Variants in RBFOX1 observed in about 807,000 individuals in gnomAD.
RBFOX1 encodes the protein RNA binding protein fox-1 homolog 1.
Under a neutral mutation model 57.7 loss-of-function variants are expected in RBFOX1, and 8 were observed. The observed-to-expected ratio is 0.14, with a 90% CI of 0.08 to 0.25. The LOEUF (loss-of-function observed/expected upper bound fraction) is 0.25. Among genes scored for constraint, RBFOX1 ranks in the 10% least tolerant of loss-of-function variants. The pLI, the probability that RBFOX1 is intolerant of heterozygous loss-of-function variation, is 1.00. For missense variants in RBFOX1, 611 were observed against 548.5 expected, an observed-to-expected ratio of 1.11 and a Z score of -1.14; for synonymous variants, 326 against 222.4, an observed-to-expected ratio of 1.47 and a Z score of -4.15.
chr16:6,964,407 A>C (rs565872246), intron 3 of RBFOX1, among the ~76,000 whole-genome samples: 113 of 152,274 alleles, frequency 7.4e-4, no homozygotes, highest in Non-Finnish European at 6.3e-4. Context: ...CAACCCACAC[A>C]ATATACAACA....
At chr16:7,403,094 C>T (rs575448877) in intron 4 of RBFOX1, among the ~76,000 whole-genome samples, 8 of 152,258 alleles carry the variant, frequency 5.3e-5, no homozygotes, top group Admixed American at 2.0e-4. Context: ...TCCCCCGGCT[C>T]TATGGGGGTA....
chr16:7,280,985 C>A (rs181096387), intron 4 of RBFOX1, among the ~76,000 whole-genome samples: 1 of 109,610 alleles, frequency 9.1e-6, no homozygotes, highest in Non-Finnish European at 1.8e-5. Context: ...CCCTCCCTCC[C>A]TCCCTCCTTC....
At chr16:5,260,034 C>T (rs190957363) in intron 1 of RBFOX1, among the ~76,000 whole-genome samples, 1 of 152,118 alleles carries the variant, frequency 6.6e-6, no homozygotes, top group Non-Finnish European at 1.5e-5. Context: ...AACCTTGTCT[C>T]TACTAAAAAT....
At chr16:7,546,804 T>A (rs763001680) in intron 5 of RBFOX1, among the ~76,000 whole-genome samples, 1 of 152,222 alleles carries the variant, frequency 6.6e-6, no homozygotes, top group Non-Finnish European at 1.5e-5. Context: ...GTTGGACACT[T>A]AAATTTTTTC....
intron 2 of RBFOX1, among the ~76,000 whole-genome samples, chr16:6,648,751 C>A (rs760323085): frequency 7.9e-5 from 12 of 152,158 alleles, no homozygotes; most frequent in East Asian, 1.9e-4. Context: ...AGACAGAGAG[C>A]TGCTTTTTCT....
chr16:7,065,597 T>C (rs909897192), intron 4 of RBFOX1, among the ~76,000 whole-genome samples: 1 of 152,206 alleles, frequency 6.6e-6, no homozygotes, highest in African/African-American at 2.4e-5. Flanking sequence ...CATTGTGAAA[T>C]GGCTAAATTG....
intron 3 of RBFOX1, among the ~76,000 whole-genome samples, chr16:6,767,510 G>A (rs113509663): frequency 3.3e-5 from 5 of 152,250 alleles, no homozygotes; most frequent in Admixed American, 1.3e-4. Context: ...ATTTGAGCCA[G>A]TGTTTTAATT....
At chr16:6,061,104 C>G (rs997731172) in intron 1 of RBFOX1, among the ~76,000 whole-genome samples, 8 of 152,152 alleles carry the variant, frequency 5.3e-5, no homozygotes, top group Non-Finnish European at 8.8e-5. Flanking sequence ...TGGCCCAGGT[C>G]TTTTCAGAAG....
chr16:6,269,697 A>T (rs2074973756), intron 1 of RBFOX1, among the ~76,000 whole-genome samples: 1 of 152,176 alleles, frequency 6.6e-6, no homozygotes, highest in Non-Finnish European at 1.5e-5. Flanking sequence ...AAACTAAAAG[A>T]ATTGGTTGGC....
chr16:6,918,089 C>G (rs1317180059), intron 3 of RBFOX1, among the ~76,000 whole-genome samples: 1 of 152,092 alleles, frequency 6.6e-6, no homozygotes, highest in Non-Finnish European at 1.5e-5. Context: ...GAGTTCGAGA[C>G]CAGCCTGGAC....
intron 1 of RBFOX1, among the ~76,000 whole-genome samples, chr16:6,151,843 A>G (rs2096799909): frequency 6.6e-6 from 1 of 152,196 alleles, no homozygotes; most frequent in Non-Finnish European, 1.5e-5. Flanking sequence ...GTACCTCTGC[A>G]TTTAATGGTT....
At chr16:5,633,592 G>T (rs2048588739) in intron 3 of RBFOX1, among the ~76,000 whole-genome samples, 1 of 151,990 alleles carries the variant, frequency 6.6e-6, no homozygotes, top group Non-Finnish European at 1.5e-5. Flanking sequence ...GTGGGTAAAG[G>T]GCTGGGTGTG....
intron 3 of RBFOX1, among the ~76,000 whole-genome samples, chr16:5,829,348 A>G (rs1190119347): frequency 6.6e-6 from 1 of 152,218 alleles, no homozygotes; most frequent in East Asian, 1.9e-4. Flanking sequence ...TGAAAAGATC[A>G]TCTTGATGAC....
chr16:5,365,342 A>G (rs142636376), intron 1 of RBFOX1, among the ~76,000 whole-genome samples: 2 of 152,272 alleles, frequency 1.3e-5, no homozygotes, highest in Non-Finnish European at 2.9e-5. Context: ...CACATCACCC[A>G]ACACATAAAG....
At chr16:7,299,308 A>C (rs548037279) in intron 4 of RBFOX1, among the ~76,000 whole-genome samples, 1 of 152,342 alleles carries the variant, frequency 6.6e-6, no homozygotes, top group Non-Finnish European at 1.5e-5. Flanking sequence ...CCACCAATGT[A>C]ACTTTGAAAA....
At chr16:7,039,906 C>T (rs949100402) in intron 3 of RBFOX1, among the ~76,000 whole-genome samples, 2 of 149,246 alleles carry the variant, frequency 1.3e-5, no homozygotes, top group Non-Finnish European at 2.9e-5. Context: ...AGAGAATCCA[C>T]ACAAAAATAC....
chr16:7,032,566 C>A (rs1426591023), intron 3 of RBFOX1, among the ~76,000 whole-genome samples: 1 of 146,690 alleles, frequency 6.8e-6, no homozygotes, highest in East Asian at 2.0e-4. Context: ...AACATCTCCC[C>A]ATCTACAGCT....
chr16:5,535,212 G>T (rs371890166), intron 2 of RBFOX1, among the ~76,000 whole-genome samples: 21 of 152,306 alleles, frequency 1.4e-4, no homozygotes, highest in African/African-American at 4.6e-4. Flanking sequence ...CAAGTGCTCA[G>T]TAGCCACGTG....
At chr16:6,162,500 A>C (rs953244800) in intron 1 of RBFOX1, among the ~76,000 whole-genome samples, 1 of 152,164 alleles carries the variant, frequency 6.6e-6, no homozygotes, top group African/African-American at 2.4e-5. Flanking sequence ...AAATGTGACA[A>C]CTATTATCTG....
Sources: allele counts gnomAD v4.1 joint callset (sites outside exome capture counted in the v4.1 genomes callset), GRCh38; gene constraint gnomAD v4.1.1; transcripts MANE v1.5; gene names NCBI Gene and HGNC (gene_info 2026-07-23, HGNC 2026-07-21).